The following ATP7A variants were observed in gnomAD, a reference collection of about 807,000 sequenced individuals.
The protein encoded by ATP7A is copper-transporting ATPase 1.
A neutral mutation model predicts 83.5 loss-of-function variants in ATP7A; 7 were observed. The observed-to-expected ratio is 0.08, with a 90% confidence interval of 0.05 to 0.16. ATP7A has a LOEUF of 0.16. Ranked by LOEUF, ATP7A falls within the 10% of genes least tolerant of loss-of-function variation. The pLI is 1.00. For missense variants in ATP7A, 940 were observed against 1,120.8 expected, an observed-to-expected ratio of 0.84 and a Z score of 2.30; for synonymous variants, 354 against 395.2, an observed-to-expected ratio of 0.90 and a Z score of 1.24.
chrX:78,033,881 T>C, intron 17 of ATP7A, 60 bp downstream of exon 17: 1 of 1,073,343 alleles, frequency 9.3e-7, no homozygotes, highest in Non-Finnish European at 1.3e-6. Context: ...TGGCTAACTT[T>C]ATAACCCTGA....
intron 4 of ATP7A, among the ~76,000 whole-genome samples, chrX:77,995,835 C>A (rs2077700187): frequency 9.0e-6 from 1 of 110,684 alleles, no homozygotes; most frequent in Non-Finnish European, 1.9e-5. Context: ...CCTCCGCCTC[C>A]CGGGTTCAAG....
chrX:77,948,200 C>A (rs2077394112), intron 1 of ATP7A, among the ~76,000 whole-genome samples: 1 of 109,304 alleles, frequency 9.1e-6, no homozygotes, highest in Admixed American at 1.0e-4. Flanking sequence ...GATCTCGACT[C>A]ACTGCAAGCT....
chrX:77,966,391 A>G (rs1020653016), intron 1 of ATP7A, among the ~76,000 whole-genome samples: 1 of 112,608 alleles, frequency 8.9e-6, no homozygotes. Context: ...CACAAAAGAA[A>G]AAAGATAAAT....
chrX:77,930,628 A>G (rs1450805543), intron 1 of ATP7A, among the ~76,000 whole-genome samples: 2 of 112,009 alleles, frequency 1.8e-5, no homozygotes, highest in Admixed American at 1.9e-4. Context: ...ACTCAGACTT[A>G]ACTACTTACC....
Position 77,919,055 on chromosome X carries a change from T to C in ATP7A, c.-22+8220T>C, listed in dbSNP as rs145971844. On this transcript the variant is annotated intron_variant, in intron 1 of 22. Coordinates refer to ENST00000341514, the MANE Select transcript of ATP7A (RefSeq NM_000052.7). ...AAATGATAATAACTGCCTCGTCTAA[T>C]TCATAGGTTTTTATCAGTATCAAGT... Among the ~76,000 whole-genome samples, 322 of 112,039 alleles carry C rather than the reference T, an allele frequency of 2.9e-3. 1 individual carries two copies. The highest frequency in any genetic ancestry group is 4.1e-3 in the Non-Finnish European group (216 of 53,246).
chrX:78,000,207 A>G (rs1383321078), intron 5 of ATP7A, among the ~76,000 whole-genome samples: 1 of 111,425 alleles, frequency 9.0e-6, no homozygotes, highest in Non-Finnish European at 1.9e-5. Context: ...TTTCTGCTTC[A>G]GTTTAGCCTC....
chrX:78,044,632 G>C (rs182412328), intron 21 of ATP7A, among the ~76,000 whole-genome samples: 206 of 111,403 alleles, frequency 1.8e-3, no homozygotes, highest in African/African-American at 6.2e-3. Context: ...TTCTATTATA[G>C]TCAGCTGGTA....
chrX:77,921,563 A>G (rs1033073048), intron 1 of ATP7A, among the ~76,000 whole-genome samples: 3 of 111,963 alleles, frequency 2.7e-5, no homozygotes, highest in Non-Finnish European at 3.8e-5. Context: ...CAGGGATAGT[A>G]ATTGTATCTA....
intron 17 of ATP7A, among the ~76,000 whole-genome samples, chrX:78,036,299 C>T (rs184381095): frequency 9.0e-6 from 1 of 110,694 alleles, no homozygotes; most frequent in East Asian, 2.8e-4. Context: ...GTAGGCCTCA[C>T]TGAGAAGGTA....
In ATP7A at chrX:77,985,271, C is replaced by T. The variant is rs148289026; in HGVS notation, c.121-2971C>T. On this transcript the variant is annotated intron_variant, in intron 2 of 22. Transcript: ENST00000341514. Reference sequence around the variant, plus strand: ...TGAGCTCAAGCTATCTGCCCAACCACCTCAGCATCCCAAAGTGCTAGGATT... The same window carrying T: ...TGAGCTCAAGCTATCTGCCCAACCATCTCAGCATCCCAAAGTGCTAGGATT... Among the ~76,000 whole-genome samples, 131 of 110,961 alleles carry T rather than the reference C, an allele frequency of 1.2e-3. 1 individual carries two copies. The highest frequency in any genetic ancestry group is 4.2e-3 in the African/African-American group (127 of 30,531).
intron 6 of ATP7A, among the ~76,000 whole-genome samples, chrX:78,008,061 A>G (rs781843934): frequency 8.9e-6 from 1 of 112,134 alleles, no homozygotes; most frequent in Admixed American, 9.5e-5. Flanking sequence ...GTTTTCTTGA[A>G]TAAATGCTTC....
intron 4 of ATP7A, among the ~76,000 whole-genome samples, chrX:77,994,830 C>G (rs781810138): frequency 8.9e-5 from 10 of 111,750 alleles, no homozygotes; most frequent in Non-Finnish European, 1.9e-4. Flanking sequence ...GTTTGAGCCA[C>G]CATGCCTGGC....
chrX:78,012,990 T>G lies in ATP7A; in HGVS notation c.2284T>G (p.Leu762Val), dbSNP rs1569549943. 8.3e-7 allele frequency: 1 copy of G among 1,208,911 alleles called. No homozygotes were observed. Among genetic ancestry groups the G allele is most frequent in the Non-Finnish European group, 1.1e-6 (1 of 894,492 alleles). Reference sequence around the variant, plus strand: ...AACCACCATTGCATTTGCCTACTCTTTGATTATTCTTCTAGTTGCAATGTA... The same window carrying G: ...AACCACCATTGCATTTGCCTACTCTGTGATTATTCTTCTAGTTGCAATGTA... Reference protein sequence around the residue: ...LATTIAFAYSLIILLVAMYER... With the variant: ...LATTIAFAYSVIILLVAMYER... The change falls in exon 10 of 23, where the codon TTG becomes GTG. Residue 762 changes from leucine to valine, a missense_variant. By Grantham distance (32) the Leu-to-Val change is conservative. Coordinates refer to ENST00000341514, the MANE Select transcript of ATP7A (RefSeq NM_000052.7).
At chrX:77,915,156 A>T (rs1210905408) in intron 1 of ATP7A, among the ~76,000 whole-genome samples, 3 of 111,159 alleles carry the variant, frequency 2.7e-5, no homozygotes, top group African/African-American at 6.5e-5. Context: ...CTCTACAAAA[A>T]ATACAAAAAT....
At chrX:77,986,036 A>G (rs940144649) in intron 2 of ATP7A, among the ~76,000 whole-genome samples, 25 of 112,154 alleles carry the variant, frequency 2.2e-4, no homozygotes, top group Non-Finnish European at 9.4e-5. Context: ...TTTCAATACT[A>G]TATGTCTCAA....
chrX:77,953,031 C>G (rs2077421725), intron 1 of ATP7A, among the ~76,000 whole-genome samples: 1 of 111,615 alleles, frequency 9.0e-6, no homozygotes, highest in African/African-American at 3.3e-5. Context: ...ATCCGCCCAT[C>G]TCGACCTCCC....
chrX:77,995,722 C>T (rs1557232472), intron 4 of ATP7A, among the ~76,000 whole-genome samples: 1 of 110,962 alleles, frequency 9.0e-6, no homozygotes, highest in African/African-American at 3.3e-5. Flanking sequence ...TAAATTCCTT[C>T]CATTTTGTGA....
intron 1 of ATP7A, among the ~76,000 whole-genome samples, chrX:77,925,580 G>T (rs1437323856): frequency 3.6e-5 from 4 of 111,308 alleles, no homozygotes; most frequent in African/African-American, 1.3e-4. Flanking sequence ...AATGCAGTTT[G>T]TTCATTAAGA....
chrX:77,932,016 C>G (rs1426762329), intron 1 of ATP7A, among the ~76,000 whole-genome samples: 2 of 108,804 alleles, frequency 1.8e-5, no homozygotes, highest in African/African-American at 6.7e-5. Flanking sequence ...CCACCTCCCT[C>G]CTGGACGGGG....
Sources: gnomAD v4.1 joint callset for allele counts (sites outside exome capture counted in the v4.1 genomes callset) on GRCh38, gnomAD v4.1.1 for gene constraint, MANE v1.5 for transcripts, NCBI Gene and HGNC (gene_info 2026-07-23, HGNC 2026-07-21) for gene names.